Variants in BBS9 observed in about 807,000 individuals in gnomAD.
BBS9 encodes protein PTHB1.
BBS9 carries 89 observed loss-of-function variants against 117.7 expected under a neutral mutation model. The ratio of observed to expected loss-of-function variants is 0.76; its 90% CI spans 0.64 to 0.90. The LOEUF (loss-of-function observed/expected upper bound fraction) is 0.90. BBS9 is among the 40% of genes least tolerant of loss of function. The pLI is 0.00. For missense variants in BBS9, 982 were observed against 1,042.2 expected (o/e 0.94, Z 0.80); for synonymous variants, 379 against 370.9 (o/e 1.02, Z -0.25).
intron 1 of BBS9, among the ~76,000 whole-genome samples, chr7:33,141,998 C>T (rs1320654657): frequency 6.6e-6 from 1 of 151,652 alleles, no homozygotes; most frequent in Non-Finnish European, 1.5e-5. Context: ...TGCAGTGGTG[C>T]TATCTCGGCT....
In BBS9 at chr7:33,513,235, T is replaced by A. The variant is rs528507136; in HGVS notation, c.2298+7590T>A. Among the ~76,000 whole-genome samples the A allele has an allele frequency of 6.6e-5, 10 of 152,330 alleles. No homozygotes were observed. The South Asian group carries it at 2.1e-3, about 32-fold the overall frequency. On this transcript the variant is annotated intron_variant, in intron 20 of 22. Transcript: ENST00000242067. ...TTCACTTAAAATTGTGTCTCCTGTC[T>A]ACCCTTCCATCTATTCTCTATTCTC... is the stretch of plus-strand genomic sequence containing the variant.
intron 19 of BBS9, among the ~76,000 whole-genome samples, chr7:33,426,959 G>T (rs1833750695): frequency 6.6e-6 from 1 of 152,100 alleles, no homozygotes; most frequent in African/African-American, 2.4e-5. Context: ...CAGAGCAGAG[G>T]GTAGGTTGTT....
At chr7:33,385,692 TAAAAG>T (rs940700579) in intron 18 of BBS9, among the ~76,000 whole-genome samples, 2 of 152,064 alleles carry the variant, frequency 1.3e-5, no homozygotes, top group African/African-American at 4.8e-5. Context: ...ATTATACAAT[TAAAAG>T]AATGAATTAT....
chr7:33,165,825 G>A (rs1795593811), intron 4 of BBS9, among the ~76,000 whole-genome samples: 1 of 152,122 alleles, frequency 6.6e-6, no homozygotes, highest in African/African-American at 2.4e-5. Context: ...ACCTTCTGAA[G>A]CCTACTTCTG....
At chr7:33,521,868 G>T in intron 20 of BBS9, among the ~76,000 whole-genome samples, 1 of 150,072 alleles carries the variant, frequency 6.7e-6, no homozygotes, top group African/African-American at 2.5e-5. Context: ...CTAGCATTAG[G>T]TATATCTCCC....
At chr7:33,329,793 C>A (rs1018125649) in intron 9 of BBS9, among the ~76,000 whole-genome samples, 3 of 152,114 alleles carry the variant, frequency 2.0e-5, no homozygotes, top group Non-Finnish European at 4.4e-5. Context: ...TTATTAAATA[C>A]AATCTTTTTG....
intron 19 of BBS9, among the ~76,000 whole-genome samples, chr7:33,394,181 C>T (rs1052985801): frequency 3.9e-5 from 6 of 152,216 alleles, no homozygotes; most frequent in Non-Finnish European, 8.8e-5. Flanking sequence ...TTTCAGTTGT[C>T]CACCACAGTT....
intron 9 of BBS9, among the ~76,000 whole-genome samples, chr7:33,332,425 TC>T (rs1814286345): frequency 6.6e-6 from 1 of 152,138 alleles, no homozygotes; most frequent in African/African-American, 2.4e-5. Flanking sequence ...ACGCCTGTAA[TC>T]CCAGCACTTT....
At chr7:33,233,897 G>C (rs1429647213) in intron 5 of BBS9, among the ~76,000 whole-genome samples, 2 of 152,126 alleles carry the variant, frequency 1.3e-5, no homozygotes, top group Non-Finnish European at 2.9e-5. Flanking sequence ...TCCGTGGTTT[G>C]AGTTACCTGA....
intron 19 of BBS9, among the ~76,000 whole-genome samples, chr7:33,444,605 CTT>C (rs1836713791): frequency 6.6e-6 from 1 of 152,192 alleles, no homozygotes; most frequent in South Asian, 2.1e-4. Flanking sequence ...TATAAACACT[CTT>C]TTGTAGCATG....
Position 33,486,762 on chromosome 7 carries a change from C to T in BBS9, c.2116-18701C>T, listed in dbSNP as rs1843168558. ...CTTTCCAGTAACTTCTCTCTGTAGG[C>T]AGCAAGCCAGTTGCTGTTTAGAGGT... On this transcript the variant is annotated intron_variant, in intron 19 of 22. Coordinates refer to ENST00000242067, the MANE Select transcript of BBS9 (RefSeq NM_198428.3). 2.0e-5 allele frequency among the ~76,000 whole-genome samples: 3 copies of T among 152,302 alleles called. 1 individual carries two copies. The highest frequency in any genetic ancestry group is 4.4e-5 in the Non-Finnish European group (3 of 68,026).
At chr7:33,488,886 G>A (rs576233505) in intron 19 of BBS9, among the ~76,000 whole-genome samples, 1 of 151,974 alleles carries the variant, frequency 6.6e-6, no homozygotes, top group Non-Finnish European at 1.5e-5. Flanking sequence ...TCATATGAGG[G>A]AATAGAGTTT....
At chr7:33,325,992 T>C (rs1223825950) in intron 9 of BBS9, among the ~76,000 whole-genome samples, 4 of 152,184 alleles carry the variant, frequency 2.6e-5, no homozygotes, top group Admixed American at 2.0e-4. Flanking sequence ...ACTGCCTGGC[T>C]ACCACTTACG....
intron 5 of BBS9, among the ~76,000 whole-genome samples, chr7:33,216,535 C>T (rs755415020): frequency 3.9e-5 from 6 of 152,102 alleles, no homozygotes; most frequent in Non-Finnish European, 5.9e-5. Flanking sequence ...GAAAACATTT[C>T]CTGATCTTTT....
intron 20 of BBS9, among the ~76,000 whole-genome samples, chr7:33,515,336 T>C (rs928815974): frequency 6.6e-6 from 1 of 151,846 alleles, no homozygotes; most frequent in Non-Finnish European, 1.5e-5. Flanking sequence ...CCCTAAATCA[T>C]GGCAAGTCAT....
At chr7:33,347,906 A>G (rs1284915184) in intron 12 of BBS9, among the ~76,000 whole-genome samples, 2 of 152,034 alleles carry the variant, frequency 1.3e-5, no homozygotes, top group African/African-American at 4.8e-5. Context: ...TAGAAAAGGT[A>G]CCATATAGAA....
intron 9 of BBS9, among the ~76,000 whole-genome samples, chr7:33,332,428 C>T (rs1360100197): frequency 4.6e-5 from 7 of 152,266 alleles, no homozygotes; most frequent in African/African-American, 1.7e-4. Flanking sequence ...CCTGTAATCC[C>T]AGCACTTTGG....
chr7:33,217,363 GT>G (rs1419556899), intron 5 of BBS9, among the ~76,000 whole-genome samples: 1 of 152,022 alleles, frequency 6.6e-6, no homozygotes, highest in Non-Finnish European at 1.5e-5. Context: ...ATTATTTGCA[GT>G]TTCTAATTTT....
intron 5 of BBS9, among the ~76,000 whole-genome samples, chr7:33,208,100 T>C (rs567264381): frequency 1.2e-4 from 18 of 152,316 alleles, no homozygotes; most frequent in African/African-American, 4.1e-4. Flanking sequence ...TGAGCCACCA[T>C]GCCCAGCCCA....
Sources: allele counts gnomAD v4.1 joint callset (sites outside exome capture counted in the v4.1 genomes callset), GRCh38; gene constraint gnomAD v4.1.1; transcripts MANE v1.5; gene names NCBI Gene and HGNC (gene_info 2026-07-23, HGNC 2026-07-21).